PYM1: variants seen among roughly 807,000 people sequenced by gnomAD.
PYM1 encodes the protein PYM1 exon junction complex associated factor, also known as partner of Y14 and mago.
A neutral mutation model predicts 20.7 loss-of-function variants in PYM1; 7 were observed. That is an observed-to-expected ratio of 0.34 (90% CI 0.19 to 0.64). The LOEUF is 0.64. Among genes scored for constraint, PYM1 ranks in the 30% least tolerant of loss-of-function variants. The probability of loss-of-function intolerance (pLI) is 0.74; values close to 1 mark genes in which losing one functional copy is unlikely to be tolerated. For missense variants in PYM1, 194 were observed against 250.0 expected (o/e 0.78, Z 1.51); for synonymous variants, 100 against 99.2 (o/e 1.01, Z -0.05).
chr12:55,917,780 G>A (rs1016757972), intron 1 of PYM1, among the ~76,000 whole-genome samples: 6 of 151,994 alleles, frequency 3.9e-5, no homozygotes, highest in East Asian at 3.9e-4. Flanking sequence ...TGGCCAACAC[G>A]GTGAAACCCC....
At chr12:55,910,211 A>G (rs2136261252) in intron 1 of PYM1, among the ~76,000 whole-genome samples, 1 of 151,502 alleles carries the variant, frequency 6.6e-6, no homozygotes, top group South Asian at 2.1e-4. Flanking sequence ...AGGTCCTGAG[A>G]ACATGTGCCC....
chr12:55,904,595 CAAAAAAAAAAA>C lies in PYM1; in HGVS notation c.38-1126_38-1116del, dbSNP rs57817659. ...TGGGCAACGGAGTGAGACTCCATCTCAAAAAAAAAAAAAAAAAAAAAAAAGAAAAAAAATTA... is the reference window on the plus strand; with the variant it reads ...TGGGCAACGGAGTGAGACTCCATCTCAAAAAAAAAAAAAGAAAAAAAATTA... On this transcript the variant is annotated intron_variant, in intron 1 of 2. Transcript: ENST00000408946. Among the ~76,000 whole-genome samples the C allele has an allele frequency of 4.3e-4, 29 of 66,980 alleles. No homozygotes were observed. The East Asian group carries it at 9.2e-3, about 21-fold the overall frequency. The allele number at this position is 66,980 out of a possible 152,430, so 43.9% of individuals were successfully genotyped here. A position where few individuals can be genotyped will look rare whatever the true frequency, so the allele number is the denominator to read the frequency against.
intron 1 of PYM1, among the ~76,000 whole-genome samples, chr12:55,916,143 T>G (rs1883003100): frequency 1.3e-5 from 2 of 152,024 alleles, no homozygotes. Context: ...GAGACCAGCC[T>G]GGCCAACATG....
At chr12:55,903,626 C>G in intron 1 of PYM1, 146 bp from the exon 2 acceptor site, 1 of 675,410 alleles carries the variant, frequency 1.5e-6, no homozygotes, top group Non-Finnish European at 2.5e-6. Context: ...TACCAACACT[C>G]AATCCCTCTC....
At chr12:55,927,033 C>T in intron 1 of PYM1, 1 of 1,490,502 alleles carries the variant, frequency 6.7e-7, no homozygotes, top group Non-Finnish European at 9.0e-7. Flanking sequence ...AACCCCTGCC[C>T]CGAGAGCCCG....
intron 2 of PYM1, among the ~76,000 whole-genome samples, chr12:55,903,060 G>A (rs951746505): frequency 6.6e-6 from 1 of 152,208 alleles, no homozygotes; most frequent in Non-Finnish European, 1.5e-5. Context: ...TCAGATTACA[G>A]ATGTAGGCCA....
At chr12:55,916,696 G>A (rs1462447419) in intron 1 of PYM1, among the ~76,000 whole-genome samples, 1 of 152,198 alleles carries the variant, frequency 6.6e-6, no homozygotes, top group African/African-American at 2.4e-5. Flanking sequence ...TACTCGGGAG[G>A]CTGAGGCAGA....
At chr12:55,915,898 A>G (rs1882997928) in intron 1 of PYM1, among the ~76,000 whole-genome samples, 1 of 152,272 alleles carries the variant, frequency 6.6e-6, no homozygotes. Context: ...TGGAAAACTC[A>G]GTATTTAAGA....
intron 1 of PYM1, chr12:55,927,022 G>C (rs995745956): frequency 1.5e-5 from 22 of 1,474,070 alleles, no homozygotes; most frequent in Non-Finnish European, 1.7e-5. Context: ...TTCCAAGTCC[G>C]AACCCCTGCC....
chr12:55,914,411 T>C, intron 1 of PYM1: 2 of 700,582 alleles, frequency 2.9e-6, no homozygotes, highest in South Asian at 1.5e-5. Flanking sequence ...TTTCAGATAA[T>C]ATCTTGCAGA....
At chr12:55,919,963 T>C (rs1436104083) in intron 1 of PYM1, among the ~76,000 whole-genome samples, 2 of 151,302 alleles carry the variant, frequency 1.3e-5, no homozygotes, top group African/African-American at 2.4e-5. Flanking sequence ...TCCCACCACT[T>C]TGGAAGGCCA....
chr12:55,911,526 T>C (rs1307117784), intron 1 of PYM1, among the ~76,000 whole-genome samples: 1 of 152,108 alleles, frequency 6.6e-6, no homozygotes, highest in Admixed American at 6.6e-5. Flanking sequence ...ATTTTCTTGT[T>C]ATGTCAGAGT....
At chr12:55,919,870 G>A (rs1883068942) in intron 1 of PYM1, among the ~76,000 whole-genome samples, 1 of 147,966 alleles carries the variant, frequency 6.8e-6, no homozygotes, top group African/African-American at 2.5e-5. Context: ...TGGGTGACTG[G>A]AGACAGAGCA....
chr12:55,914,949 C>T (rs1295649301), intron 1 of PYM1, among the ~76,000 whole-genome samples: 1 of 152,188 alleles, frequency 6.6e-6, no homozygotes, highest in African/African-American at 2.4e-5. Flanking sequence ...GGCATGGTGG[C>T]TCACACCTGT....
In PYM1 at chr12:55,906,704, A is replaced by AAC; in HGVS notation, c.38-3225_38-3224insGT. On this transcript the variant is annotated intron_variant, in intron 1 of 2. Coordinates refer to ENST00000408946, the MANE Select transcript of PYM1 (RefSeq NM_032345.3). ...GCTCTTGTTGCCCAGGCTGGAGTGCAATGGTGCAGTCTCGGCTCACTGCAA... is the reference window on the plus strand; with the variant it reads ...GCTCTTGTTGCCCAGGCTGGAGTGCAACATGGTGCAGTCTCGGCTCACTGCAA... Among the ~76,000 whole-genome samples the AAC allele has an allele frequency of 2.6e-5, 4 of 152,098 alleles. No individual in the cohort carries two copies. In the South Asian group the frequency reaches 8.3e-4, roughly 32 times the overall value.
chr12:55,926,773 A>C (rs991292676), intron 1 of PYM1, among the ~76,000 whole-genome samples: 1 of 152,176 alleles, frequency 6.6e-6, no homozygotes, highest in Non-Finnish European at 1.5e-5. Flanking sequence ...CCCAAGCCTG[A>C]AGAACCTAAA....
intron 1 of PYM1, 78 bp downstream of exon 1, chr12:55,927,647 T>G (rs1385593841): frequency 6.6e-7 from 1 of 1,512,982 alleles, no homozygotes; most frequent in African/African-American, 1.4e-5. Context: ...GTGTGCCGAT[T>G]GCTGTCGGCC....
At chr12:55,906,996 T>C (rs1255428731) in intron 1 of PYM1, among the ~76,000 whole-genome samples, 1 of 151,730 alleles carries the variant, frequency 6.6e-6, no homozygotes, top group East Asian at 1.9e-4. Context: ...TAAAGACATG[T>C]AGTCTGTGTA....
chr12:55,907,820 T>A (rs184183300), intron 1 of PYM1, among the ~76,000 whole-genome samples: 452 of 151,456 alleles, frequency 3.0e-3, no homozygotes, highest in Non-Finnish European at 5.1e-3. Context: ...GTGCCTGTAG[T>A]CTCAGCTACT....
Sources: gnomAD v4.1 joint callset for allele counts (sites outside exome capture counted in the v4.1 genomes callset) on GRCh38, gnomAD v4.1.1 for gene constraint, MANE v1.5 for transcripts, NCBI Gene and HGNC (gene_info 2026-07-23, HGNC 2026-07-21) for gene names.